CNTN5: variants seen among roughly 807,000 people sequenced by gnomAD.
The protein encoded by CNTN5 is contactin 5, also known as contactin-5.
A neutral mutation model predicts 129.1 loss-of-function variants in CNTN5; 77 were observed. The observed-to-expected ratio is 0.60, with a 90% CI of 0.50 to 0.72. The LOEUF is 0.72. Ranked by LOEUF, CNTN5 falls within the 30% of genes least tolerant of loss-of-function variation. The probability of loss-of-function intolerance (pLI) is 0.00; values close to 1 mark genes in which losing one functional copy is unlikely to be tolerated. For synonymous variants in CNTN5, 509 were observed against 465.6 expected, an observed-to-expected ratio of 1.09 and a Z score of -1.20; for missense variants, 1,478 against 1,328.8, an observed-to-expected ratio of 1.11 and a Z score of -1.75.
At chr11:99,905,695 A>G (rs1423817109) in intron 6 of CNTN5, among the ~76,000 whole-genome samples, 2 of 152,232 alleles carry the variant, frequency 1.3e-5, no homozygotes, top group East Asian at 3.9e-4. Context: ...TGGTATCTTG[A>G]TGGGGATATC....
At chr11:99,529,248 C>G (rs1025993070) in intron 2 of CNTN5, among the ~76,000 whole-genome samples, 2 of 152,182 alleles carry the variant, frequency 1.3e-5, no homozygotes, top group Non-Finnish European at 2.9e-5. Context: ...GCACACTAGT[C>G]TCCTCTGGAA....
intron 1 of CNTN5, among the ~76,000 whole-genome samples, chr11:99,206,477 C>G (rs992953658): frequency 2.0e-5 from 3 of 152,064 alleles, no homozygotes; most frequent in African/African-American, 7.2e-5. Context: ...AACTGGGCAG[C>G]CTGTGCTCTA....
At chr11:99,919,531 T>C (rs1023468005) in intron 7 of CNTN5, among the ~76,000 whole-genome samples, 1 of 152,150 alleles carries the variant, frequency 6.6e-6, no homozygotes, top group Non-Finnish European at 1.5e-5. Context: ...TTCCTCTCAG[T>C]CAGTCTGTGT....
At chr11:99,585,288 C>T (rs1190688893) in intron 3 of CNTN5, among the ~76,000 whole-genome samples, 3 of 152,148 alleles carry the variant, frequency 2.0e-5, no homozygotes, top group African/African-American at 7.2e-5. Flanking sequence ...AAGGTTATTA[C>T]AATTCTTCTC....
chr11:99,937,949 T>A lies in CNTN5; in HGVS notation c.674-18857T>A, dbSNP rs947071499. Among the ~76,000 whole-genome samples the A allele has an allele frequency of 1.6e-4, 24 of 152,320 alleles. 1 individual carries two copies. The East Asian group carries it at 4.4e-3, about 28-fold the overall frequency. On this transcript the variant is annotated intron_variant, in intron 7 of 24. Transcript: ENST00000524871. Reference sequence around the variant, plus strand: ...TGCATTTTATACCTTTTACTGTGTTTAACAAAAGAAACAAAACATTCCAAA... The same window carrying A: ...TGCATTTTATACCTTTTACTGTGTTAAACAAAAGAAACAAAACATTCCAAA...
At chr11:99,356,864 A>C (rs1462966534) in intron 2 of CNTN5, among the ~76,000 whole-genome samples, 1 of 152,190 alleles carries the variant, frequency 6.6e-6, no homozygotes, top group African/African-American at 2.4e-5. Flanking sequence ...TTGGAATTAA[A>C]CTGGGCTTCT....
intron 2 of CNTN5, among the ~76,000 whole-genome samples, chr11:99,505,157 C>T (rs535446781): frequency 1.3e-5 from 2 of 152,236 alleles, no homozygotes; most frequent in South Asian, 4.1e-4. Context: ...ATACAGTAAA[C>T]TTGCTGTTTG....
chr11:100,055,028 TAAAAAA>T (rs137939088), intron 9 of CNTN5, among the ~76,000 whole-genome samples: 3 of 91,650 alleles, frequency 3.3e-5, no homozygotes, highest in African/African-American at 1.2e-4. Flanking sequence ...AGCCGTAGCC[TAAAAAA>T]AAAAAAAAAA....
At chr11:99,220,709 C>A (rs568230201) in intron 1 of CNTN5, among the ~76,000 whole-genome samples, 8 of 151,938 alleles carry the variant, frequency 5.3e-5, no homozygotes, top group African/African-American at 1.9e-4. Context: ...TGAAGTGGCA[C>A]AAATCAAAAG....
At chr11:99,466,782 G>C (rs901845728) in intron 2 of CNTN5, among the ~76,000 whole-genome samples, 23 of 152,052 alleles carry the variant, frequency 1.5e-4, no homozygotes, top group African/African-American at 5.6e-4. Flanking sequence ...ACTACTGAGC[G>C]GGAAGAGAGG....
chr11:99,053,064 A>T (rs1023398637), intron 1 of CNTN5, among the ~76,000 whole-genome samples: 1 of 151,786 alleles, frequency 6.6e-6, no homozygotes, highest in African/African-American at 2.4e-5. Flanking sequence ...ACTCCCTCTT[A>T]TGTGCCAATA....
At chr11:99,341,359 A>G (rs1216392368) in intron 2 of CNTN5, among the ~76,000 whole-genome samples, 1 of 152,232 alleles carries the variant, frequency 6.6e-6, no homozygotes. Context: ...AATAGTTTAC[A>G]TATATAATCT....
chr11:99,454,627 G>T (rs1407113916), intron 2 of CNTN5, among the ~76,000 whole-genome samples: 1 of 152,058 alleles, frequency 6.6e-6, no homozygotes, highest in Non-Finnish European at 1.5e-5. Context: ...GGCCTCCCCA[G>T]CCATGCTGAA....
chr11:99,065,237 A>G (rs1253234066), intron 1 of CNTN5, among the ~76,000 whole-genome samples: 14 of 152,182 alleles, frequency 9.2e-5, no homozygotes, highest in Admixed American at 9.2e-4. Flanking sequence ...ACACAAGTTA[A>G]TGGGAAATAT....
intron 9 of CNTN5, among the ~76,000 whole-genome samples, chr11:100,037,144 T>A (rs1942064031): frequency 6.8e-6 from 1 of 146,652 alleles, no homozygotes; most frequent in Non-Finnish European, 1.5e-5. Context: ...ATACGTTCCA[T>A]CAATACCTAA....
At position 99,753,119 on chromosome 11, in the gene CNTN5, C is replaced by CTGTTTTTTT. The variant is rs528319697; in HGVS notation, c.56-66424_56-66423insGTTTTTTTT. Among the ~76,000 whole-genome samples the CTGTTTTTTT allele has an allele frequency of 4.3e-5, 4 of 93,110 alleles. No homozygotes were observed. The East Asian group carries it at 1.1e-3, about 26-fold the overall frequency. The allele number at this position is 93,110 out of a possible 152,430, so 61.1% of individuals were successfully genotyped here. A position where few individuals can be genotyped will look rare whatever the true frequency, so the allele number is the denominator to read the frequency against. The stretch of plus-strand genomic sequence containing the variant: ...TTTATAACATTTTAAGCCATATTTG[C>CTGTTTTTTT]TTTTTTTTTTTTTTTTTTTTTGAGA... On this transcript the variant is annotated intron_variant, in intron 3 of 24. Transcript: ENST00000524871.
At chr11:99,124,796 C>A (rs902551900) in intron 1 of CNTN5, among the ~76,000 whole-genome samples, 1 of 151,780 alleles carries the variant, frequency 6.6e-6, no homozygotes, top group African/African-American at 2.4e-5. Flanking sequence ...ACCACCGACC[C>A]CAAATAAATA....
intron 2 of CNTN5, among the ~76,000 whole-genome samples, chr11:99,507,133 T>C (rs953274199): frequency 3.9e-5 from 6 of 151,918 alleles, no homozygotes; most frequent in African/African-American, 1.4e-4. Context: ...ATCCCAGTAC[T>C]TTGGGAGGCC....
intron 20 of CNTN5, among the ~76,000 whole-genome samples, chr11:100,305,421 A>C (rs753040341): frequency 9.9e-5 from 15 of 151,658 alleles, no homozygotes; most frequent in Non-Finnish European, 2.1e-4. Context: ...GCCAACACTC[A>C]AGAATTCAGG....
Sources: allele counts gnomAD v4.1 joint callset (sites outside exome capture counted in the v4.1 genomes callset), GRCh38; gene constraint gnomAD v4.1.1; transcripts MANE v1.5; gene names NCBI Gene and HGNC (gene_info 2026-07-23, HGNC 2026-07-21).